The following POTEC variants were observed in gnomAD, a reference collection of about 807,000 sequenced individuals.
POTEC encodes POTE ankyrin domain family member C.
In POTEC, 35 loss-of-function variants were observed where a neutral mutation model predicts 62.0. That is an observed-to-expected ratio of 0.56 (90% CI 0.43 to 0.75). The LOEUF (loss-of-function observed/expected upper bound fraction) is 0.75, where lower values mean the gene tolerates loss of function less well. POTEC is among the 30% of genes least tolerant of loss of function. The pLI, the probability that POTEC is intolerant of heterozygous loss-of-function variation, is 0.00. For synonymous variants in POTEC, 156 were observed against 221.5 expected (o/e 0.70, Z 2.62); for missense variants, 472 against 655.9 (o/e 0.72, Z 3.06).
intron 7 of POTEC, among the ~76,000 whole-genome samples, chr18:14,524,135 A>G (rs1910378328): frequency 6.6e-6 from 1 of 152,158 alleles, no homozygotes; most frequent in Non-Finnish European, 1.5e-5. Context: ...AATATATTCT[A>G]AGGTGTACTA....
intron 9 of POTEC, among the ~76,000 whole-genome samples, chr18:14,516,746 T>A (rs1331934547): frequency 6.6e-6 from 1 of 151,502 alleles, no homozygotes; most frequent in Admixed American, 6.6e-5. Flanking sequence ...TAGTAATGAT[T>A]TTGTTTGAAA....
At chr18:14,529,698 C>T (rs1304127613) in intron 6 of POTEC, among the ~76,000 whole-genome samples, 1 of 152,042 alleles carries the variant, frequency 6.6e-6, no homozygotes, top group East Asian at 1.9e-4. Context: ...GCATCTTGTT[C>T]TAACAAAATT....
intron 5 of POTEC, among the ~76,000 whole-genome samples, chr18:14,532,164 C>G (rs1188041209): frequency 7.2e-5 from 11 of 151,922 alleles, no homozygotes; most frequent in African/African-American, 2.7e-4. Context: ...CCCCTCTGAC[C>G]CTTTATAACA....
chr18:14,532,310 C>T (rs1905552231), intron 5 of POTEC, among the ~76,000 whole-genome samples: 1 of 152,074 alleles, frequency 6.6e-6, no homozygotes, highest in Non-Finnish European at 1.5e-5. Flanking sequence ...GGTCAATTTG[C>T]TCACTTTGTG....
At chr18:14,513,530 C>A in intron 10 of POTEC, 132 bp downstream of exon 10, 1 of 1,162,704 alleles carries the variant, frequency 8.6e-7, no homozygotes, top group Non-Finnish European at 1.2e-6. Context: ...TGTGTGTTTA[C>A]ATATATACAC....
At chr18:14,524,198 A>AATAAGGTAG (rs1910380516) in intron 7 of POTEC, among the ~76,000 whole-genome samples, 1 of 152,188 alleles carries the variant, frequency 6.6e-6, no homozygotes, top group South Asian at 2.1e-4. Flanking sequence ...CTGCAACTAA[A>AATAAGGTAG]ATAAGGTAGA....
At position 14,511,350 on chromosome 18, in the gene POTEC, G is replaced by T. The variant is rs1179673023; in HGVS notation, c.*548C>A. The stretch of plus-strand genomic sequence containing the variant: ...ATGCCACAGGATCTCTTCTGCCCCT[G>T]GTGGGTTTGTACTCTCCAAAGCCCG... On this transcript the variant is annotated 3_prime_UTR_variant, in exon 11 of 11. Coordinates refer to ENST00000358970, the MANE Select transcript of POTEC (RefSeq NM_001137671.2). 1 of 239,878 alleles carries T rather than the reference G, an allele frequency of 4.2e-6. No individual in the cohort carries two copies. The highest frequency in any genetic ancestry group is 2.3e-5 in the African/African-American group (1 of 42,576). 14.9% of individuals were successfully genotyped at this position (239,878 alleles called of 1,614,324 possible).
chr18:14,539,224 A>T (rs1432796166), intron 1 of POTEC, among the ~76,000 whole-genome samples: 1 of 151,924 alleles, frequency 6.6e-6, no homozygotes, highest in Non-Finnish European at 1.5e-5. Context: ...AGACTGTTAT[A>T]AATTTTCTCT....
chr18:14,517,303 A>G (rs1267880069), intron 9 of POTEC, among the ~76,000 whole-genome samples: 1 of 152,204 alleles, frequency 6.6e-6, no homozygotes, highest in Non-Finnish European at 1.5e-5. Context: ...GAAGCCACCC[A>G]AAGCCAGTTT....
At chr18:14,517,632 T>C (rs1379036636) in intron 9 of POTEC, among the ~76,000 whole-genome samples, 1 of 152,012 alleles carries the variant, frequency 6.6e-6, no homozygotes, top group East Asian at 1.9e-4. Flanking sequence ...AAGGCCGAAG[T>C]GGGTGGATCA....
intron 9 of POTEC, among the ~76,000 whole-genome samples, chr18:14,521,252 T>TA (rs1737119402): frequency 6.6e-6 from 1 of 152,194 alleles, no homozygotes; most frequent in South Asian, 2.1e-4. Flanking sequence ...AGTGTCCATG[T>TA]AGCGTGTAGC....
rs1421718624 is a variant in POTEC at position 14,537,206 on chromosome 18, CACACAA to C, written c.810+589_810+594del. Among the ~76,000 whole-genome samples the C allele has an allele frequency of 7.5e-3, 575 of 76,720 alleles. 5 individuals are homozygous for C. The highest frequency in any genetic ancestry group is 0.068 in the East Asian group (147 of 2,166). The allele number at this position is 76,720 out of a possible 152,430, so 50.3% of individuals were successfully genotyped here. A position where few individuals can be genotyped will look rare whatever the true frequency, so the allele number is the denominator to read the frequency against. On this transcript the variant is annotated intron_variant, in intron 3 of 10. Transcript: ENST00000358970. ...ACACACACACACACACACACACACACACACAAAAAAAAAAAAAAACAAAAAAAAACC... is the reference window on the plus strand; with the variant it reads ...ACACACACACACACACACACACACACAAAAAAAAAAAAACAAAAAAAAACC...
chr18:14,521,775 C>A (rs1910315089), intron 9 of POTEC, among the ~76,000 whole-genome samples: 1 of 152,138 alleles, frequency 6.6e-6, no homozygotes, highest in Admixed American at 6.6e-5. Flanking sequence ...GCCACATATT[C>A]TTCTTACTCA....
intron 5 of POTEC, chr18:14,531,573 A>G (rs1280541466): frequency 6.6e-6 from 1 of 152,018 alleles, no homozygotes; most frequent in East Asian, 2.0e-4. Context: ...TTTTTGCAGC[A>G]CAAATCACAT....
In POTEC at chr18:14,511,979, A is replaced by G; in HGVS notation, c.1548T>C (p.His516=). 1.2e-6 allele frequency: 2 copies of G among 1,613,240 alleles called. No homozygotes were observed. The highest frequency in any genetic ancestry group is 1.7e-6 in the Non-Finnish European group (2 of 1,179,584). The part of the protein sequence containing the change: ...KKMNSELSLS[H]KKEEDLLREN... ...CACGCAAGAGATCTTCTTCTTTCTT[A>G]TGACTAAGAGAAAGCTAAGTAAACA... The change falls in exon 11 of 11, where the codon CAT becomes CAC. Residue 516 remains histidine, a synonymous_variant. Coordinates refer to ENST00000358970, the MANE Select transcript of POTEC (RefSeq NM_001137671.2).
At chr18:14,528,957 A>G in intron 6 of POTEC, 1 of 454,448 alleles carries the variant, frequency 2.2e-6, no homozygotes, top group Non-Finnish European at 4.4e-6. Flanking sequence ...CTTCCTGCCA[A>G]ACAGGCAACC....
At chr18:14,540,989 C>T (rs1466543326) in intron 1 of POTEC, among the ~76,000 whole-genome samples, 1 of 152,128 alleles carries the variant, frequency 6.6e-6, no homozygotes, top group Non-Finnish European at 1.5e-5. Flanking sequence ...CTCCCTGGTT[C>T]AAGCAATTCT....
intron 1 of POTEC, among the ~76,000 whole-genome samples, chr18:14,542,372 G>A (rs1905965676): frequency 6.6e-6 from 1 of 152,066 alleles, no homozygotes; most frequent in African/African-American, 2.4e-5. Context: ...ACTTAATTTT[G>A]CGAGTTAAAT....
chr18:14,522,541 C>T lies in POTEC; in HGVS notation c.1243-121G>A, dbSNP rs576048365. The T allele has an allele frequency of 2.1e-5, 31 of 1,499,536 alleles. No homozygotes were observed. The African/African-American group carries it at 3.2e-4, about 16-fold the overall frequency. The allele number at this position is 1,499,536 out of a possible 1,614,324, so 92.9% of individuals were successfully genotyped here. A position where few individuals can be genotyped will look rare whatever the true frequency, so the allele number is the denominator to read the frequency against. On this transcript the variant is annotated intron_variant, in intron 8 of 10. Transcript: ENST00000358970. ...TTTTAGTCATTAAAAATATCTCACA[C>T]TTAAATTTGATCATATATACAGAAC...
Sources: allele counts gnomAD v4.1 joint callset (sites outside exome capture counted in the v4.1 genomes callset), GRCh38; gene constraint gnomAD v4.1.1; transcripts MANE v1.5; gene names NCBI Gene and HGNC (gene_info 2026-07-23, HGNC 2026-07-21).